The following CSAG1 variants were observed in gnomAD, a reference collection of about 807,000 sequenced individuals.
The protein encoded by CSAG1 is chondrosarcoma associated gene 1, also known as chondrosarcoma-associated gene 1 protein.
In CSAG1, 4 loss-of-function variants were observed where a neutral mutation model predicts 4.8. The ratio of observed to expected loss-of-function variants is 0.83; its 90% CI spans 0.41 to 1.90. The LOEUF is 1.90. CSAG1 is among the 40% of genes most tolerant of loss of function. CSAG1 has a pLI of 0.03. For synonymous variants in CSAG1, 21 were observed against 23.1 expected (o/e 0.91, Z 0.26); for missense variants, 69 against 59.5 (o/e 1.16, Z -0.53).
intron 2 of CSAG1, among the ~76,000 whole-genome samples, chrX:152,729,628 A>G (rs1237855188): frequency 9.8e-5 from 11 of 112,025 alleles, no homozygotes; most frequent in Admixed American, 2.8e-4. Context: ...TTGTCATTAG[A>G]TAATTGTGTA....
At chrX:152,731,087 T>C (rs1932146512) in intron 2 of CSAG1, among the ~76,000 whole-genome samples, 1 of 112,214 alleles carries the variant, frequency 8.9e-6, no homozygotes, top group South Asian at 3.7e-4. Context: ...GATGAAATGG[T>C]CTAATGCCTT....
Position 152,728,064 on chromosome X carries a change from C to A in CSAG1, c.167+10G>T, listed in dbSNP as rs1556830722. On this transcript the variant is annotated intron_variant, in intron 3 of 3. Coordinates refer to ENST00000452779, the MANE Select transcript of CSAG1 (RefSeq NM_001102576.3). ...GGCCAGGGATGAGAGGATGCTTTCC[C>A]CTTCCTCGCCTCTTTGGTGTTGATG... The A allele has an allele frequency of 1.7e-5, 20 of 1,208,833 alleles. No individual in the cohort carries two copies. Among genetic ancestry groups the A allele is most frequent in the Admixed American group, 2.2e-5 (1 of 45,609 alleles).
intron 1 of CSAG1, chrX:152,733,232 T>C (rs1932201735): frequency 9.0e-6 from 1 of 111,213 alleles, no homozygotes; most frequent in Admixed American, 9.4e-5. Flanking sequence ...CTACAAGGGG[T>C]GCAGCTGTGC....
intron 1 of CSAG1, among the ~76,000 whole-genome samples, chrX:152,733,426 C>T (rs1276201344): frequency 6.3e-5 from 7 of 111,459 alleles, no homozygotes; most frequent in Admixed American, 1.9e-4. Context: ...AATGTCACCC[C>T]GACCACACCC....
chrX:152,728,713 G>A (rs1395357675), intron 2 of CSAG1, among the ~76,000 whole-genome samples: 12 of 111,895 alleles, frequency 1.1e-4, no homozygotes, highest in African/African-American at 2.9e-4. Context: ...AAGGACTGGC[G>A]GGGTTGGCTT....
At chrX:152,733,128 CGTGGG>C (rs1932198923) in intron 1 of CSAG1, 1 of 111,949 alleles carries the variant, frequency 8.9e-6, no homozygotes, top group African/African-American at 3.3e-5. Flanking sequence ...GAGGAGCTCC[CGTGGG>C]AAAGTGTCTG....
rs371338774 is a variant in CSAG1, at chrX:152,731,530, T to C, written c.16+915A>G. Among the ~76,000 whole-genome samples, 19 of 111,636 alleles carry C rather than the reference T, an allele frequency of 1.7e-4. No individual in the cohort carries two copies. In the East Asian group the frequency reaches 4.8e-3, roughly 28 times the overall value. ...AACTCTTCCAAAACATACAAAAGAT[T>C]GACAATTGTTCAGTTCATTCTCCCA... On this transcript the variant is annotated intron_variant, in intron 2 of 3. Coordinates refer to ENST00000452779, the MANE Select transcript of CSAG1 (RefSeq NM_001102576.3).
chrX:152,731,457 G>T, intron 2 of CSAG1, among the ~76,000 whole-genome samples: 1 of 111,966 alleles, frequency 8.9e-6, no homozygotes, highest in Admixed American at 9.5e-5. Context: ...CAGTTTTGGA[G>T]GCCAATTCTA....
rs1556830490 is a variant in CSAG1, at chrX:152,727,702, G to A, written c.*92C>T. On this transcript the variant is annotated 3_prime_UTR_variant, in exon 4 of 4. Transcript: ENST00000452779. Reference sequence around the variant, plus strand: ...CTTGCCCTTGTGGTCCTGCTATGGCGCATTTTGATTGAGTTCCTCGTTCGG... The same window carrying A: ...CTTGCCCTTGTGGTCCTGCTATGGCACATTTTGATTGAGTTCCTCGTTCGG... 55 of 1,065,552 alleles carry A rather than the reference G, an allele frequency of 5.2e-5. No homozygotes were observed. Among genetic ancestry groups the A allele is most frequent in the Middle Eastern group, 2.9e-4 (1 of 3,453 alleles). 87.8% of individuals were successfully genotyped at this position (1,065,552 alleles called of 1,213,427 possible).
In CSAG1 at chrX:152,727,487, T is replaced by G. The variant is rs782402384; in HGVS notation, c.*307A>C. The G allele has an allele frequency of 2.0e-5, 7 of 345,776 alleles. No homozygotes were observed. In the South Asian group the frequency reaches 2.8e-4, roughly 14 times the overall value. The allele number at this position is 345,776 out of a possible 1,213,427, so 28.5% of individuals were successfully genotyped here. Reference sequence around the variant, plus strand: ...TTGAGACACACAGACACACACATCATTTTACAACATGTTCATTTTATTTCC... The same window carrying G: ...TTGAGACACACAGACACACACATCAGTTTACAACATGTTCATTTTATTTCC... On this transcript the variant is annotated 3_prime_UTR_variant, in exon 4 of 4. Coordinates refer to ENST00000452779, the MANE Select transcript of CSAG1 (RefSeq NM_001102576.3).
At chrX:152,729,044 A>G (rs1932092523) in intron 2 of CSAG1, among the ~76,000 whole-genome samples, 1 of 110,220 alleles carries the variant, frequency 9.1e-6, no homozygotes, top group African/African-American at 3.3e-5. Flanking sequence ...CACATAGGTT[A>G]ATAAAACAGA....
intron 2 of CSAG1, among the ~76,000 whole-genome samples, chrX:152,731,934 C>T (rs1259256682): frequency 3.6e-5 from 4 of 112,348 alleles, no homozygotes; most frequent in Admixed American, 9.4e-5. Context: ...GTTCGAAGAA[C>T]TATCATTCCA....
At chrX:152,728,939 T>G (rs1289481653) in intron 2 of CSAG1, among the ~76,000 whole-genome samples, 1 of 111,565 alleles carries the variant, frequency 9.0e-6, no homozygotes, top group Non-Finnish European at 1.9e-5. Context: ...ATTAATCACT[T>G]CCTTAGAAGC....
At chrX:152,728,043 A>G in intron 3 of CSAG1, 31 bp downstream of exon 3, 1 of 1,211,315 alleles carries the variant, frequency 8.3e-7, no homozygotes, top group Non-Finnish European at 1.1e-6. Context: ...CTTCTGGGCC[A>G]GGGATGAGAG....
intron 2 of CSAG1, among the ~76,000 whole-genome samples, chrX:152,730,057 A>G (rs1330035924): frequency 1.0e-5 from 1 of 96,217 alleles, no homozygotes; most frequent in Non-Finnish European, 2.1e-5. Context: ...ACCCAATGAT[A>G]CTACTACTCC....
In CSAG1 at chrX:152,732,497, A is replaced by G. The variant is rs782217474; in HGVS notation, c.-37T>C. 4 of 1,209,789 alleles carry G rather than the reference A, an allele frequency of 3.3e-6. No homozygotes were observed. Among genetic ancestry groups the G allele is most frequent in the Middle Eastern group, 2.6e-4 (1 of 3,915 alleles). Reference sequence around the variant, plus strand: ...TTGGGCTGCTGTGCTCTGCTTCCCAAATCAACCCTGTAAATTTATAGAATG... The same window carrying G: ...TTGGGCTGCTGTGCTCTGCTTCCCAGATCAACCCTGTAAATTTATAGAATG... On this transcript the variant is annotated 5_prime_UTR_variant, in exon 2 of 4. Coordinates refer to ENST00000452779, the MANE Select transcript of CSAG1 (RefSeq NM_001102576.3).
At chrX:152,728,713 G>C (rs1395357675) in intron 2 of CSAG1, among the ~76,000 whole-genome samples, 1 of 111,895 alleles carries the variant, frequency 8.9e-6, no homozygotes, top group Non-Finnish European at 1.9e-5. Context: ...AAGGACTGGC[G>C]GGGTTGGCTT....
rs192957776 is a variant in CSAG1 at position 152,729,767 on chromosome X, G to A, written c.17-1543C>T. On this transcript the variant is annotated intron_variant, in intron 2 of 3. Transcript: ENST00000452779. ...CAACAGAAACTCTCATTCATAGCTCGTGGAAATGCAACATGGCACAGCCAC... is the reference window on the plus strand; with the variant it reads ...CAACAGAAACTCTCATTCATAGCTCATGGAAATGCAACATGGCACAGCCAC... Among the ~76,000 whole-genome samples, 264 of 110,353 alleles carry A rather than the reference G, an allele frequency of 2.4e-3. 1 individual carries two copies. Among genetic ancestry groups the A allele is most frequent in the African/African-American group, 8.2e-3 (248 of 30,348 alleles).
intron 2 of CSAG1, among the ~76,000 whole-genome samples, chrX:152,731,474 G>A (rs1932153746): frequency 8.9e-6 from 1 of 111,966 alleles, no homozygotes; most frequent in Non-Finnish European, 1.9e-5. Flanking sequence ...TCTACCAAAT[G>A]ATCAGGGAAA....
Sources: allele counts gnomAD v4.1 joint callset (sites outside exome capture counted in the v4.1 genomes callset), GRCh38; gene constraint gnomAD v4.1.1; transcripts MANE v1.5; gene names NCBI Gene and HGNC (gene_info 2026-07-23, HGNC 2026-07-21).